The following IL1RAPL1 variants were observed in gnomAD, a reference collection of about 807,000 sequenced individuals.
IL1RAPL1 encodes interleukin-1 receptor accessory protein-like 1.
In IL1RAPL1, 3 loss-of-function variants were observed where a neutral mutation model predicts 48.4. That is an observed-to-expected ratio of 0.06 (90% CI 0.03 to 0.16). IL1RAPL1 has a LOEUF of 0.16. Ranked by LOEUF, IL1RAPL1 falls within the 10% of genes least tolerant of loss-of-function variation. The pLI, the probability that IL1RAPL1 is intolerant of heterozygous loss-of-function variation, is 1.00. For synonymous variants in IL1RAPL1, 185 were observed against 187.7 expected, an observed-to-expected ratio of 0.99 and a Z score of 0.12; for missense variants, 349 against 530.6, an observed-to-expected ratio of 0.66 and a Z score of 3.36.
intron 2 of IL1RAPL1, among the ~76,000 whole-genome samples, chrX:28,810,723 G>A (rs1177368879): frequency 1.8e-5 from 2 of 109,836 alleles, no homozygotes; most frequent in Non-Finnish European, 3.8e-5. Flanking sequence ...GAAGCATAGA[G>A]ATCAAACTAT....
intron 5 of IL1RAPL1, among the ~76,000 whole-genome samples, chrX:29,654,489 G>A (rs1443515914): frequency 8.9e-6 from 1 of 112,164 alleles, no homozygotes; most frequent in Non-Finnish European, 1.9e-5. Flanking sequence ...GAGAAGCAAA[G>A]TAACATCTTA....
At chrX:28,919,854 C>T (rs1175205526) in intron 2 of IL1RAPL1, among the ~76,000 whole-genome samples, 1 of 111,923 alleles carries the variant, frequency 8.9e-6, no homozygotes, top group Non-Finnish European at 1.9e-5. Context: ...ACAAGAATGC[C>T]TGTTAGATTT....
intron 1 of IL1RAPL1, among the ~76,000 whole-genome samples, chrX:28,693,195 C>T (rs939955255): frequency 1.8e-5 from 2 of 111,982 alleles, no homozygotes; most frequent in Non-Finnish European, 3.8e-5. Context: ...CTGGTACCCC[C>T]AACAATGTCT....
chrX:29,873,586 C>T (rs1036489203), intron 6 of IL1RAPL1, among the ~76,000 whole-genome samples: 2 of 111,664 alleles, frequency 1.8e-5, no homozygotes, highest in African/African-American at 6.5e-5. Context: ...TCACGCCAGA[C>T]ATTGAATCTG....
At chrX:28,960,608 A>G (rs1924742407) in intron 2 of IL1RAPL1, among the ~76,000 whole-genome samples, 1 of 112,156 alleles carries the variant, frequency 8.9e-6, no homozygotes, top group East Asian at 2.8e-4. Context: ...CTCCATCCTT[A>G]TATTGAAGCG....
At chrX:29,066,239 G>T (rs747664669) in intron 2 of IL1RAPL1, among the ~76,000 whole-genome samples, 1 of 112,006 alleles carries the variant, frequency 8.9e-6, no homozygotes, top group African/African-American at 3.2e-5. Context: ...GACTATTTTA[G>T]TTAAATGTAT....
intron 2 of IL1RAPL1, among the ~76,000 whole-genome samples, chrX:29,081,333 G>T (rs1927839529): frequency 1.8e-5 from 2 of 109,272 alleles, no homozygotes; most frequent in Non-Finnish European, 3.8e-5. Flanking sequence ...TAGGATTATA[G>T]GCGTGAGCCA....
intron 5 of IL1RAPL1, among the ~76,000 whole-genome samples, chrX:29,463,606 A>C (rs1295980654): frequency 8.9e-6 from 1 of 112,090 alleles, no homozygotes; most frequent in Non-Finnish European, 1.9e-5. Flanking sequence ...ATTCTGGATA[A>C]AAATTTAATG....
chrX:28,756,455 T>G (rs763619712), intron 1 of IL1RAPL1, among the ~76,000 whole-genome samples: 4 of 111,810 alleles, frequency 3.6e-5, no homozygotes, highest in African/African-American at 1.3e-4. Context: ...CTGTCTTCTG[T>G]GTAGAAGCAA....
chrX:28,657,815 G>A (rs61188628), intron 1 of IL1RAPL1, among the ~76,000 whole-genome samples: 10,010 of 111,632 alleles, frequency 0.09, 423 homozygotes, highest in African/African-American at 0.17. Flanking sequence ...AGAGCAGAAT[G>A]AAACACCTAA....
At chrX:29,110,552 C>G (rs193136292) in intron 2 of IL1RAPL1, among the ~76,000 whole-genome samples, 1 of 111,454 alleles carries the variant, frequency 9.0e-6, no homozygotes, top group East Asian at 2.8e-4. Context: ...GAGACGTTTT[C>G]CTAGTGTCTG....
chrX:29,255,876 T>G (rs973226917), intron 2 of IL1RAPL1, among the ~76,000 whole-genome samples: 1 of 111,710 alleles, frequency 9.0e-6, no homozygotes, highest in African/African-American at 3.3e-5. Flanking sequence ...GGCACCTGGG[T>G]TGATTCCATA....
intron 6 of IL1RAPL1, among the ~76,000 whole-genome samples, chrX:29,891,317 T>C (rs1932272707): frequency 8.9e-6 from 1 of 112,485 alleles, no homozygotes; most frequent in Non-Finnish European, 1.9e-5. Context: ...CTCTGTTTCC[T>C]GATGAAGGCC....
intron 2 of IL1RAPL1, among the ~76,000 whole-genome samples, chrX:28,915,170 T>C (rs1392682083): frequency 1.8e-5 from 2 of 111,539 alleles, no homozygotes; most frequent in Non-Finnish European, 3.8e-5. Flanking sequence ...GAGAATCTAA[T>C]GCCACTGCTG....
intron 2 of IL1RAPL1, among the ~76,000 whole-genome samples, chrX:29,158,932 C>CT (rs1569248646): frequency 3.6e-4 from 20 of 54,946 alleles, no homozygotes; most frequent in South Asian, 3.5e-3. Flanking sequence ...CTCTCTCTCT[C>CT]CCCCCCCCTC....
chrX:29,128,886 T>G (rs1246249082), intron 2 of IL1RAPL1, among the ~76,000 whole-genome samples: 1 of 111,343 alleles, frequency 9.0e-6, no homozygotes, highest in Non-Finnish European at 1.9e-5. Context: ...AGTTTTATAT[T>G]TGGTGCTGAG....
intron 6 of IL1RAPL1, among the ~76,000 whole-genome samples, chrX:29,756,712 C>T (rs1193232118): frequency 8.9e-6 from 1 of 111,984 alleles, no homozygotes; most frequent in African/African-American, 3.2e-5. Flanking sequence ...CATGCCCGGT[C>T]GCATATATCA....
chrX:29,320,343 A>G (rs185089635), intron 3 of IL1RAPL1, among the ~76,000 whole-genome samples: 103 of 112,450 alleles, frequency 9.2e-4, no homozygotes, highest in African/African-American at 3.2e-3. Flanking sequence ...TCTATTAATT[A>G]TATTCAGGTC....
chrX:29,054,239 T>C (rs1409970851), intron 2 of IL1RAPL1, among the ~76,000 whole-genome samples: 1 of 111,260 alleles, frequency 9.0e-6, no homozygotes, highest in African/African-American at 3.3e-5. Context: ...TGTGTTTCAA[T>C]ATACTATTGT....
Sources: allele counts gnomAD v4.1 joint callset (sites outside exome capture counted in the v4.1 genomes callset), GRCh38; gene constraint gnomAD v4.1.1; transcripts MANE v1.5; gene names NCBI Gene and HGNC (gene_info 2026-07-23, HGNC 2026-07-21).